KALRN: variants seen among roughly 807,000 people sequenced by gnomAD.
The protein encoded by KALRN is kalirin RhoGEF kinase, also known as kalirin.
In KALRN, 70 loss-of-function variants were observed where a neutral mutation model predicts 353.7. That is an observed-to-expected ratio of 0.20 (90% CI 0.16 to 0.24). KALRN has a LOEUF of 0.24. Ranked by LOEUF, KALRN falls within the 10% of genes least tolerant of loss-of-function variation. The pLI is 1.00. For missense variants in KALRN, 2,791 were observed against 3,756.7 expected (o/e 0.74, Z 6.72); for synonymous variants, 1,391 against 1,434.8 (o/e 0.97, Z 0.69).
At chr3:124,040,448 G>A (rs960368586) in intron 1 of KALRN, among the ~76,000 whole-genome samples, 27 of 151,942 alleles carry the variant, frequency 1.8e-4, no homozygotes, top group Non-Finnish European at 3.4e-4. Context: ...TTTTTTTGGT[G>A]TCATAACTTA....
rs1348189913 is a variant in KALRN, at chr3:124,268,913, C to T, written c.627C>T (p.Leu209=). Residue 209 remains leucine, a synonymous_variant, in exon 5 of 60, where the codon CTC becomes CTT. Coordinates refer to ENST00000682506, the MANE Select transcript of KALRN (RefSeq NM_001388419.1). ...ACCTGCTCTCGCGCCTCGAGGACCT[C>T]CAGGAGATGCTAGCCCGGAAGGAGT... ...AVHLLSRLED[L]QEMLARKEFP... 5 of 1,613,972 alleles carry T rather than the reference C, an allele frequency of 3.1e-6. No individual in the cohort carries two copies. In the African/African-American group the frequency reaches 5.3e-5, roughly 17 times the overall value.
chr3:124,705,026 A>G (rs538167722), intron 57 of KALRN, among the ~76,000 whole-genome samples: 1 of 152,338 alleles, frequency 6.6e-6, no homozygotes, highest in East Asian at 1.9e-4. Flanking sequence ...GTGCAGGAAG[A>G]TTCTCTCCTA....
chr3:124,384,044 T>C (rs2087817756), intron 10 of KALRN, among the ~76,000 whole-genome samples: 1 of 152,200 alleles, frequency 6.6e-6, no homozygotes, highest in South Asian at 2.1e-4. Context: ...GGAAAAGCTG[T>C]ATCTGCGGCA....
At chr3:124,042,083 C>T (rs2040017941) in intron 1 of KALRN, among the ~76,000 whole-genome samples, 1 of 152,092 alleles carries the variant, frequency 6.6e-6, no homozygotes, top group Non-Finnish European at 1.5e-5. Flanking sequence ...TGATCTGGGA[C>T]ATAGGATGGG....
chr3:124,500,393 G>A (rs1468092966), intron 33 of KALRN, among the ~76,000 whole-genome samples: 1 of 152,180 alleles, frequency 6.6e-6, no homozygotes, highest in Admixed American at 6.5e-5. Flanking sequence ...GGGAGCAGAA[G>A]ACCAATGCCC....
intron 34 of KALRN, among the ~76,000 whole-genome samples, chr3:124,588,573 C>T (rs149247711): frequency 1.7e-3 from 256 of 152,222 alleles, no homozygotes; most frequent in Non-Finnish European, 2.7e-3. Context: ...TACAGGCGTG[C>T]ACCACCATGC....
chr3:124,707,731 G>A (rs1254640938), intron 57 of KALRN, among the ~76,000 whole-genome samples: 1 of 152,190 alleles, frequency 6.6e-6, no homozygotes, highest in Non-Finnish European at 1.5e-5. Context: ...ATGTGAAACT[G>A]CATGACAATG....
intron 35 of KALRN, 100 bp from the exon 36 acceptor site, chr3:124,633,752 G>C: frequency 2.1e-6 from 2 of 954,986 alleles, no homozygotes; most frequent in South Asian, 1.5e-5. Flanking sequence ...TGAGTTGAGA[G>C]AGGAACTCTC....
intron 11 of KALRN, among the ~76,000 whole-genome samples, chr3:124,391,573 C>T (rs779837996): frequency 3.9e-5 from 6 of 152,140 alleles, no homozygotes; most frequent in Admixed American, 1.3e-4. Context: ...TGTTCTTCAG[C>T]GCTAAATCGG....
chr3:124,368,243 A>AC (rs1258361647), intron 10 of KALRN, among the ~76,000 whole-genome samples: 2 of 116,994 alleles, frequency 1.7e-5, no homozygotes, highest in East Asian at 2.8e-4. Context: ...CGGGGGGCTG[A>AC]CCCCCCCACC....
chr3:124,180,280 C>T (rs1392848419), intron 1 of KALRN, among the ~76,000 whole-genome samples: 1 of 152,182 alleles, frequency 6.6e-6, no homozygotes, highest in Non-Finnish European at 1.5e-5. Flanking sequence ...CAGTTCTAGA[C>T]CTGTTGTCTC....
At chr3:124,359,138 G>C (rs2083738994) in intron 10 of KALRN, among the ~76,000 whole-genome samples, 1 of 152,142 alleles carries the variant, frequency 6.6e-6, no homozygotes, top group Admixed American at 6.5e-5. Flanking sequence ...GGTCCTCCTT[G>C]ACATCTTTTT....
At chr3:124,527,000 T>A (rs969941202) in intron 33 of KALRN, among the ~76,000 whole-genome samples, 1 of 152,180 alleles carries the variant, frequency 6.6e-6, no homozygotes, top group African/African-American at 2.4e-5. Context: ...CCTGCCCTCA[T>A]GGAGTTTATA....
intron 9 of KALRN, among the ~76,000 whole-genome samples, chr3:124,338,638 G>A (rs1382154535): frequency 1.3e-5 from 2 of 152,224 alleles, no homozygotes; most frequent in Non-Finnish European, 2.9e-5. Context: ...GAGATCTGTA[G>A]ATGTCTATTA....
rs2082336687 is a variant in KALRN at position 124,347,172 on chromosome 3, G to A, written c.1677G>A (p.Glu559=). 2 of 1,613,992 alleles carry A rather than the reference G, an allele frequency of 1.2e-6. No individual in the cohort carries two copies. Among genetic ancestry groups the A allele is most frequent in the African/African-American group, 1.3e-5 (1 of 74,896 alleles). The change falls in exon 10 of 60, where the codon GAG becomes GAA. Residue 559 remains glutamate, a synonymous_variant. Coordinates refer to ENST00000682506, the MANE Select transcript of KALRN (RefSeq NM_001388419.1). ...TGGACTGGATTGAAAACCATGGTGA[G>A]GCCTTTCTCAGCAAACACACTGGAG... ...QVLDWIENHG[E]AFLSKHTGVG... is the part of the protein sequence containing the mutation.
At chr3:124,036,618 A>G (rs773589083) in intron 1 of KALRN, among the ~76,000 whole-genome samples, 2 of 152,118 alleles carry the variant, frequency 1.3e-5, no homozygotes, top group African/African-American at 4.8e-5. Context: ...GGAATATAGC[A>G]CTATACCTGA....
At chr3:124,617,285 C>T (rs1046079078) in intron 34 of KALRN, among the ~76,000 whole-genome samples, 1 of 149,046 alleles carries the variant, frequency 6.7e-6, no homozygotes, top group Non-Finnish European at 1.5e-5. Context: ...AGTGAACTGT[C>T]ATTGAGCCAC....
intron 1 of KALRN, among the ~76,000 whole-genome samples, chr3:124,069,057 G>A (rs116368927): frequency 2.4e-3 from 361 of 152,226 alleles, no homozygotes; most frequent in African/African-American, 8.0e-3. Flanking sequence ...ACCATACCTA[G>A]TATTTATTGA....
rs2077166052 is a variant in KALRN, at chr3:124,214,610, G to A, written c.74-13380G>A. On this transcript the variant is annotated intron_variant, in intron 1 of 59. Transcript: ENST00000682506. ...TAAGATTACTGGGAGAGGATTATGAGTGCTGGGGAGTTGGTGAGAAAATCG... is the reference window on the plus strand; with the variant it reads ...TAAGATTACTGGGAGAGGATTATGAATGCTGGGGAGTTGGTGAGAAAATCG... Among the ~76,000 whole-genome samples the A allele has an allele frequency of 3.3e-5, 5 of 152,178 alleles. No individual in the cohort carries two copies. The South Asian group carries it at 1.0e-3, about 32-fold the overall frequency.
Sources: allele counts gnomAD v4.1 joint callset (sites outside exome capture counted in the v4.1 genomes callset), GRCh38; gene constraint gnomAD v4.1.1; transcripts MANE v1.5; gene names NCBI Gene and HGNC (gene_info 2026-07-23, HGNC 2026-07-21).